Variants in TLE3 observed in about 807,000 individuals in gnomAD.
TLE3 encodes TLE family member 3, transcriptional corepressor, also known as transducin-like enhancer protein 3.
In TLE3, 14 loss-of-function variants were observed where a neutral mutation model predicts 93.0. The observed-to-expected ratio is 0.15, with a 90% CI of 0.10 to 0.24. The LOEUF (loss-of-function observed/expected upper bound fraction) is 0.24, where lower values mean the gene tolerates loss of function less well. TLE3 is among the 10% of genes least tolerant of loss of function. The pLI is 1.00. For missense variants in TLE3, 693 were observed against 1,046.6 expected, an observed-to-expected ratio of 0.66 and a Z score of 4.66; for synonymous variants, 451 against 425.0, an observed-to-expected ratio of 1.06 and a Z score of -0.75.
intron 4 of TLE3, among the ~76,000 whole-genome samples, chr15:70,078,078 C>T (rs1350962814): frequency 3.3e-5 from 5 of 152,226 alleles, no homozygotes. Flanking sequence ...GGCCTCTCCA[C>T]CCACTAGACA....
chr15:70,089,847 A>C (rs2058224254), intron 4 of TLE3, among the ~76,000 whole-genome samples: 1 of 152,236 alleles, frequency 6.6e-6, no homozygotes, highest in African/African-American at 2.4e-5. Context: ...AACAAAATGG[A>C]AACAAACAGC....
chr15:70,096,969 C>T lies in TLE3; in HGVS notation c.-171G>A. 1.3e-6 allele frequency: 1 copy of T among 782,804 alleles called. No individual in the cohort carries two copies. Among genetic ancestry groups the T allele is most frequent in the Non-Finnish European group, 2.1e-6 (1 of 478,626 alleles). The allele number at this position is 782,804 out of a possible 1,614,324, so 48.5% of individuals were successfully genotyped here. ...CGAAATCCCAGAGTCGGGCGCCCGC[C>T]CCAAGTGGAGACAAAGAGCCGCGGA... On this transcript the variant is annotated 5_prime_UTR_variant, in exon 1 of 20. Transcript: ENST00000451782.
chr15:70,087,486 TCAAA>T (rs1235531426), intron 4 of TLE3, among the ~76,000 whole-genome samples: 1 of 152,252 alleles, frequency 6.6e-6, no homozygotes, highest in Non-Finnish European at 1.5e-5. Flanking sequence ...ATCAAATTTT[TCAAA>T]CAGTTTGTCC....
chr15:70,064,925 G>A (rs544650815), intron 7 of TLE3, among the ~76,000 whole-genome samples: 41 of 148,366 alleles, frequency 2.8e-4, no homozygotes, highest in Non-Finnish European at 4.6e-4. Context: ...AAAAAAAAAG[G>A]AATTTAACAG....
Position 70,049,986 on chromosome 15 carries a change from G to T in TLE3, c.*111C>A. The T allele has an allele frequency of 1.2e-6, 1 of 865,180 alleles. No individual in the cohort carries two copies. Among genetic ancestry groups the T allele is most frequent in the East Asian group, 2.4e-5 (1 of 40,898 alleles). 53.6% of individuals were successfully genotyped at this position (865,180 alleles called of 1,614,324 possible). On this transcript the variant is annotated 3_prime_UTR_variant, in exon 20 of 20. Transcript: ENST00000451782. ...GGCCGGAGCGCAGCCCTGAACGCTC[G>T]GCTGCCTGCGGCCCATCCTCCGCCA...
chr15:70,065,705 G>C (rs1400851387), intron 7 of TLE3, among the ~76,000 whole-genome samples: 1 of 152,230 alleles, frequency 6.6e-6, no homozygotes, highest in Non-Finnish European at 1.5e-5. Context: ...AAGGCATCCT[G>C]AAGGGTTGGA....
At chr15:70,053,116 CT>C in intron 17 of TLE3, 110 bp downstream of exon 17, 1 of 1,407,168 alleles carries the variant, frequency 7.1e-7, no homozygotes, top group Non-Finnish European at 9.5e-7. Flanking sequence ...TCCCAAGTCT[CT>C]TGGCCGTGGC....
chr15:70,066,291 G>A (rs906425977), intron 6 of TLE3, 73 bp from the exon 7 acceptor site: 2 of 1,323,020 alleles, frequency 1.5e-6, no homozygotes, highest in Non-Finnish European at 2.0e-6. Context: ...CAGGAGGGAG[G>A]GAGGGAGTGG....
chr15:70,079,376 A>G, intron 4 of TLE3: 1 of 495,592 alleles, frequency 2.0e-6, no homozygotes, highest in Admixed American at 2.3e-5. Flanking sequence ...TGAGGCAGGC[A>G]GAGGGGAGGG....
intron 7 of TLE3, among the ~76,000 whole-genome samples, chr15:70,065,137 G>A (rs907004000): frequency 3.3e-5 from 5 of 152,186 alleles, no homozygotes; most frequent in African/African-American, 1.2e-4. Flanking sequence ...TCCCTGGACC[G>A]GCTACCACCC....
chr15:70,083,244 G>C (rs564054283), intron 4 of TLE3, among the ~76,000 whole-genome samples: 3 of 108,350 alleles, frequency 2.8e-5, no homozygotes, highest in Admixed American at 9.9e-5. Context: ...GACAGCTCAA[G>C]TCCCTCCTGG....
Position 70,054,533 on chromosome 15 carries a change from A to G in TLE3, c.1731T>C (p.Tyr577=), listed in dbSNP as rs1325000973. 1 of 1,614,076 alleles carries G rather than the reference A, an allele frequency of 6.2e-7. No homozygotes were observed. The highest frequency in any genetic ancestry group is 1.7e-5 in the Admixed American group (1 of 60,030). The part of the protein sequence containing the change: ...AELTSSAPAC[Y]ALAISPDAKV... The stretch of plus-strand genomic sequence containing the variant: ...TGGCGTCAGGGCTAATGGCCAGGGC[A>G]TAACAGGCGGGAGCCGAGGACGTCA... The change falls in exon 16 of 20, where the codon TAT becomes TAC. Residue 577 remains tyrosine (Y), a synonymous_variant. Coordinates refer to ENST00000451782, the MANE Select transcript of TLE3 (RefSeq NM_001105192.3).
chr15:70,048,680 C>G lies in TLE3; in HGVS notation c.*1417G>C, dbSNP rs906004721. ...AAAAACAAACAAAAAAAACCCAACC[C>G]AAATCCTAACACCTCAGAACATGTT... On this transcript the variant is annotated 3_prime_UTR_variant, in exon 20 of 20. Coordinates refer to ENST00000451782, the MANE Select transcript of TLE3 (RefSeq NM_001105192.3). 1 of 151,478 alleles carries G rather than the reference C, an allele frequency of 6.6e-6. No homozygotes were observed. Among genetic ancestry groups the G allele is most frequent in the African/African-American group, 2.4e-5 (1 of 41,274 alleles). 9.4% of individuals were successfully genotyped at this position (151,478 alleles called of 1,614,324 possible).
chr15:70,095,680 G>A, intron 2 of TLE3, 39 bp from the exon 3 acceptor site: 1 of 1,549,610 alleles, frequency 6.5e-7, no homozygotes, highest in Non-Finnish European at 8.7e-7. Flanking sequence ...CGTGGCGCCT[G>A]GACAGCCTCC....
chr15:70,097,012 CGGCGGGCGCCGG>C lies in TLE3; in HGVS notation c.-226_-215del, dbSNP rs1363680883. On this transcript the variant is annotated 5_prime_UTR_variant, in exon 1 of 20. Transcript: ENST00000451782. Reference sequence around the variant, plus strand: ...GCCGCGGAGCAGGCGGCAAAGTCGTCGGCGGGCGCCGGGGCCGGGCGGCGGGCGCGGGCTTTG... The same window carrying C: ...GCCGCGGAGCAGGCGGCAAAGTCGTCGGCCGGGCGGCGGGCGCGGGCTTTG... 2 of 593,240 alleles carry C rather than the reference CGGCGGGCGCCGG, an allele frequency of 3.4e-6. No individual in the cohort carries two copies. The highest frequency in any genetic ancestry group is 4.3e-4 in the Middle Eastern group (1 of 2,352). 36.7% of individuals were successfully genotyped at this position (593,240 alleles called of 1,614,324 possible). A position where few individuals can be genotyped will look rare whatever the true frequency, so the allele number is the denominator to read the frequency against.
chr15:70,091,822 T>A (rs1343322162), intron 4 of TLE3, among the ~76,000 whole-genome samples: 1 of 152,154 alleles, frequency 6.6e-6, no homozygotes, highest in Non-Finnish European at 1.5e-5. Context: ...GCATTTCCCA[T>A]AGAGCCAGCA....
At chr15:70,056,465 G>T in intron 13 of TLE3, 91 bp from the exon 14 acceptor site, 2 of 1,145,714 alleles carry the variant, frequency 1.7e-6, no homozygotes, top group Non-Finnish European at 2.5e-6. Flanking sequence ...GGTCCTACCT[G>T]CACGGCTCTG....
rs558694102 is a variant in TLE3, at chr15:70,073,688, T to C, written c.372+845A>G. On this transcript the variant is annotated intron_variant, in intron 6 of 19. Transcript: ENST00000451782. ...CTGTCCACCCTCTTCATTTCAGAGA[T>C]GAAAGGTGGACAGGTACACCCCAAG... Among the ~76,000 whole-genome samples the C allele has an allele frequency of 1.3e-3, 197 of 152,244 alleles. 2 individuals are homozygous for C. The highest frequency in any genetic ancestry group is 2.5e-3 in the South Asian group (12 of 4,820).
At chr15:70,072,915 C>A (rs563331094) in intron 6 of TLE3, among the ~76,000 whole-genome samples, 1 of 152,228 alleles carries the variant, frequency 6.6e-6, no homozygotes, top group South Asian at 2.1e-4. Flanking sequence ...ATGATTTCCC[C>A]TCTTGGGGTG....
Sources: allele counts gnomAD v4.1 joint callset (sites outside exome capture counted in the v4.1 genomes callset), GRCh38; gene constraint gnomAD v4.1.1; transcripts MANE v1.5; gene names NCBI Gene and HGNC (gene_info 2026-07-23, HGNC 2026-07-21).